The following SDK1 variants were observed in gnomAD, a reference collection of about 807,000 sequenced individuals.
The protein encoded by SDK1 is protein sidekick-1.
Under a neutral mutation model 245.5 loss-of-function variants are expected in SDK1, and 157 were observed. That is an observed-to-expected ratio of 0.64 (90% CI 0.56 to 0.73). The LOEUF (loss-of-function observed/expected upper bound fraction) is 0.73, where lower values mean the gene tolerates loss of function less well. SDK1 is among the 30% of genes least tolerant of loss of function. The pLI, the probability that SDK1 is intolerant of heterozygous loss-of-function variation, is 0.00. For missense variants in SDK1, 3,583 were observed against 3,002.3 expected (o/e 1.19, Z -4.52); for synonymous variants, 1,647 against 1,278.5 (o/e 1.29, Z -6.15).
chr7:3,845,680 C>A (rs1309192733), intron 5 of SDK1, among the ~76,000 whole-genome samples: 1 of 150,122 alleles, frequency 6.7e-6, no homozygotes, highest in Admixed American at 6.6e-5. Flanking sequence ...GAATTCTCTC[C>A]ACGTGCTTCT....
chr7:4,027,424 C>T (rs1019067279), intron 17 of SDK1, among the ~76,000 whole-genome samples: 2 of 152,144 alleles, frequency 1.3e-5, no homozygotes, highest in Non-Finnish European at 2.9e-5. Flanking sequence ...TTTGCACAGT[C>T]CCGTAGGGAT....
intron 1 of SDK1, among the ~76,000 whole-genome samples, chr7:3,432,981 G>C (rs1779910859): frequency 6.6e-6 from 1 of 152,126 alleles, no homozygotes; most frequent in Non-Finnish European, 1.5e-5. Flanking sequence ...TAGAATCTTT[G>C]AATTCTTTTA....
At chr7:3,352,221 C>A (rs1400046929) in intron 1 of SDK1, among the ~76,000 whole-genome samples, 1 of 150,558 alleles carries the variant, frequency 6.6e-6, no homozygotes, top group Non-Finnish European at 1.5e-5. Context: ...AATCACTGTA[C>A]TTCTGACCCT....
chr7:3,463,385 T>A (rs1233737867), intron 1 of SDK1, among the ~76,000 whole-genome samples: 3 of 152,094 alleles, frequency 2.0e-5, no homozygotes, highest in Non-Finnish European at 4.4e-5. Context: ...TGAATGAACA[T>A]AGATTGAGTT....
At chr7:3,316,417 G>A (rs1562408636) in intron 1 of SDK1, among the ~76,000 whole-genome samples, 2 of 152,134 alleles carry the variant, frequency 1.3e-5, no homozygotes, top group Admixed American at 6.5e-5. Flanking sequence ...AGGTGTGTAG[G>A]AGGCCATAAC....
intron 31 of SDK1, among the ~76,000 whole-genome samples, chr7:4,160,458 T>G (rs1781042658): frequency 6.6e-6 from 1 of 152,322 alleles, no homozygotes; most frequent in African/African-American, 2.4e-5. Context: ...GCACCTATCT[T>G]GTCATCGCCT....
chr7:3,657,551 C>A (rs1036483735), intron 4 of SDK1, among the ~76,000 whole-genome samples: 10 of 152,118 alleles, frequency 6.6e-5, no homozygotes, highest in Admixed American at 2.0e-4. Context: ...TGTGCTCTCT[C>A]GTCACTTTCT....
intron 1 of SDK1, among the ~76,000 whole-genome samples, chr7:3,448,528 T>G (rs1034689342): frequency 2.0e-5 from 3 of 152,206 alleles, no homozygotes; most frequent in Non-Finnish European, 2.9e-5. Flanking sequence ...TTGTTTAGGT[T>G]TTCCATCTTA....
intron 4 of SDK1, among the ~76,000 whole-genome samples, chr7:3,689,665 A>G (rs990146389): frequency 1.3e-5 from 2 of 152,252 alleles, no homozygotes; most frequent in African/African-American, 4.8e-5. Context: ...ACTAGGCCTC[A>G]GATTTCCTCT....
rs1444784217 is a variant in SDK1, at chr7:4,221,897, G to T, written c.5827+533G>T. On this transcript the variant is annotated intron_variant, in intron 40 of 44. Coordinates refer to ENST00000404826, the MANE Select transcript of SDK1 (RefSeq NM_152744.4). ...ATTTTTTTCACCCTTCCTTCCATTT[G>T]CCTTTAATAACTAAGGATGGGCATT... Among the ~76,000 whole-genome samples the T allele has an allele frequency of 3.9e-5, 6 of 152,158 alleles. No individual in the cohort carries two copies. The East Asian group carries it at 1.2e-3, about 29-fold the overall frequency.
intron 1 of SDK1, among the ~76,000 whole-genome samples, chr7:3,508,753 G>T (rs1012527295): frequency 6.6e-6 from 1 of 152,164 alleles, no homozygotes; most frequent in Admixed American, 6.5e-5. Flanking sequence ...AAATTGCCTT[G>T]TAGTGCATTG....
intron 5 of SDK1, among the ~76,000 whole-genome samples, chr7:3,901,553 G>C (rs1294463277): frequency 3.3e-5 from 5 of 152,170 alleles, no homozygotes. Context: ...TCCCATTATT[G>C]ATTATTTTGA....
chr7:3,687,926 C>T (rs1007441102), intron 4 of SDK1, among the ~76,000 whole-genome samples: 2 of 152,256 alleles, frequency 1.3e-5, no homozygotes, highest in African/African-American at 4.8e-5. Context: ...GCATGTGAAT[C>T]TGTGTTATCT....
intron 4 of SDK1, 55 bp from the exon 5 acceptor site, chr7:3,821,395 A>C: frequency 6.4e-7 from 1 of 1,566,186 alleles, no homozygotes; most frequent in Non-Finnish European, 8.6e-7. Context: ...TTTGTCTTAC[A>C]AGTAGGAAGT....
rs147884330 is a variant in SDK1, at chr7:3,596,757, A to C, written c.299-22323A>C. 2.6e-4 allele frequency among the ~76,000 whole-genome samples: 39 copies of C among 152,350 alleles called. 1 individual carries two copies. The highest frequency in any genetic ancestry group is 1.3e-3 in the East Asian group (7 of 5,186). The stretch of plus-strand genomic sequence containing the variant: ...TTTAGCAGAGTTTAATTGAGCGAAG[A>C]CTAATTCTGGAATCAGAAGCCCCCA... On this transcript the variant is annotated intron_variant, in intron 1 of 44. Transcript: ENST00000404826.
At chr7:3,953,673 C>T (rs938312254) in intron 7 of SDK1, among the ~76,000 whole-genome samples, 5 of 152,150 alleles carry the variant, frequency 3.3e-5, no homozygotes, top group South Asian at 2.1e-4. Context: ...ATGTTTGTTT[C>T]GATCATCATT....
At chr7:4,147,094 A>T (rs57463470) in intron 29 of SDK1, among the ~76,000 whole-genome samples, 12,988 of 152,268 alleles carry the variant, frequency 0.085, 1,344 homozygotes, top group African/African-American at 0.24. Context: ...GGCCAGACCC[A>T]GGGACCCTGT....
At chr7:3,330,828 AC>A (rs1780050743) in intron 1 of SDK1, among the ~76,000 whole-genome samples, 2 of 147,972 alleles carry the variant, frequency 1.4e-5, no homozygotes, top group African/African-American at 5.1e-5. Flanking sequence ...AAAAAAAAAA[AC>A]CAGGTGTGGT....
At chr7:3,674,908 T>C (rs1783843817) in intron 4 of SDK1, among the ~76,000 whole-genome samples, 1 of 152,102 alleles carries the variant, frequency 6.6e-6, no homozygotes, top group Non-Finnish European at 1.5e-5. Flanking sequence ...CTGTGAGTGG[T>C]AGGGAGTAGA....
Sources: gnomAD v4.1 joint callset for allele counts (sites outside exome capture counted in the v4.1 genomes callset) on GRCh38, gnomAD v4.1.1 for gene constraint, MANE v1.5 for transcripts, NCBI Gene and HGNC (gene_info 2026-07-23, HGNC 2026-07-21) for gene names.